Variants in PDE7B observed in about 807,000 individuals in gnomAD.
The protein encoded by PDE7B is phosphodiesterase 7B, also known as 3',5'-cyclic-AMP phosphodiesterase 7B.
A neutral mutation model predicts 56.2 loss-of-function variants in PDE7B; 29 were observed. The ratio of observed to expected loss-of-function variants is 0.52; its 90% CI spans 0.38 to 0.70. The LOEUF is 0.70. Among genes scored for constraint, PDE7B ranks in the 30% least tolerant of loss-of-function variants. The pLI, the probability that PDE7B is intolerant of heterozygous loss-of-function variation, is 0.00. For missense variants in PDE7B, 490 were observed against 565.0 expected (o/e 0.87, Z 1.35); for synonymous variants, 197 against 196.9 (o/e 1.00, Z 0.00).
intron 1 of PDE7B, among the ~76,000 whole-genome samples, chr6:135,880,346 TTTA>T (rs1410770398): frequency 6.6e-5 from 10 of 152,074 alleles, no homozygotes; most frequent in Non-Finnish European, 1.5e-5. Flanking sequence ...GTCTCATGAG[TTTA>T]TTCATCCAAC....
chr6:135,991,886 T>C (rs1319833373), intron 2 of PDE7B: 2 of 152,218 alleles, frequency 1.3e-5, no homozygotes, highest in East Asian at 3.8e-4. Flanking sequence ...ATAGATTATT[T>C]TCCTGTAGGT....
intron 1 of PDE7B, among the ~76,000 whole-genome samples, chr6:135,870,349 A>C (rs147358550): frequency 6.6e-6 from 1 of 152,096 alleles, no homozygotes; most frequent in African/African-American, 2.4e-5. Context: ...ACCTTGGTCA[A>C]ATAGCCTCTT....
chr6:136,171,368 C>T (rs1778876958), intron 8 of PDE7B, among the ~76,000 whole-genome samples: 1 of 152,146 alleles, frequency 6.6e-6, no homozygotes, highest in African/African-American at 2.4e-5. Context: ...TAATGGTTCT[C>T]AAACCTTAGT....
chr6:136,085,471 C>G (rs965180831), intron 2 of PDE7B, among the ~76,000 whole-genome samples: 3 of 152,124 alleles, frequency 2.0e-5, no homozygotes, highest in Non-Finnish European at 4.4e-5. Flanking sequence ...AAAGCAAAGG[C>G]AAAACTTTTA....
At chr6:135,885,389 T>C (rs78281248) in intron 1 of PDE7B, among the ~76,000 whole-genome samples, 5,122 of 151,924 alleles carry the variant, frequency 0.034, 142 homozygotes, top group African/African-American at 0.081. Context: ...TGCATAATGG[T>C]GTGCACCTTT....
At chr6:135,898,328 G>A (rs1461607032) in intron 1 of PDE7B, among the ~76,000 whole-genome samples, 1 of 152,070 alleles carries the variant, frequency 6.6e-6, no homozygotes, top group Non-Finnish European at 1.5e-5. Context: ...TACATGTTTG[G>A]TCACCTAACT....
chr6:136,157,500 C>T (rs1778628170), intron 8 of PDE7B, among the ~76,000 whole-genome samples: 1 of 152,186 alleles, frequency 6.6e-6, no homozygotes, highest in Admixed American at 6.5e-5. Flanking sequence ...ATCACTTGAA[C>T]CCTGGAGGCA....
chr6:135,881,834 A>G (rs574893833), intron 1 of PDE7B, among the ~76,000 whole-genome samples: 3 of 152,346 alleles, frequency 2.0e-5, no homozygotes, highest in Admixed American at 2.0e-4. Flanking sequence ...ACTGCATTGT[A>G]TAACTGAAAT....
intron 2 of PDE7B, among the ~76,000 whole-genome samples, chr6:136,039,104 G>T (rs1776374102): frequency 6.6e-6 from 1 of 152,088 alleles, no homozygotes; most frequent in African/African-American, 2.4e-5. Context: ...CACCTTTATT[G>T]ATATCAACTC....
chr6:136,073,257 A>T (rs1777078786), intron 2 of PDE7B, among the ~76,000 whole-genome samples: 1 of 152,132 alleles, frequency 6.6e-6, no homozygotes, highest in Admixed American at 6.5e-5. Flanking sequence ...ATGCATTGTG[A>T]CAGGTCCTGG....
chr6:136,138,389 T>C (rs2128445547), intron 3 of PDE7B, among the ~76,000 whole-genome samples: 1 of 152,246 alleles, frequency 6.6e-6, no homozygotes, highest in East Asian at 1.9e-4. Context: ...TTATTCAGAT[T>C]GTTATATGAA....
chr6:135,944,586 G>A (rs1253017002), intron 1 of PDE7B, among the ~76,000 whole-genome samples: 7 of 152,266 alleles, frequency 4.6e-5, no homozygotes, highest in Admixed American at 2.6e-4. Context: ...CATTGGAAGG[G>A]CCACCACACC....
chr6:136,182,911 C>G (rs1410668828), intron 11 of PDE7B, among the ~76,000 whole-genome samples: 1 of 151,730 alleles, frequency 6.6e-6, no homozygotes, highest in African/African-American at 2.4e-5. Context: ...AGTCTCTAAT[C>G]AAAATACAAA....
In PDE7B at chr6:135,858,630, C is replaced by T. The variant is rs539041037; in HGVS notation, c.21+6611C>T. Reference sequence around the variant, plus strand: ...TTTGAGTAACTTTGGGCCAATCAGCCCTCTGGGCACCAGCTTTCTCATGTA... The same window carrying T: ...TTTGAGTAACTTTGGGCCAATCAGCTCTCTGGGCACCAGCTTTCTCATGTA... On this transcript the variant is annotated intron_variant, in intron 1 of 12. Transcript: ENST00000308191. Among the ~76,000 whole-genome samples the T allele has an allele frequency of 2.0e-5, 3 of 152,262 alleles. No homozygotes were observed. The South Asian group carries it at 6.2e-4, about 32-fold the overall frequency.
chr6:135,916,394 T>TTC (rs534996930), intron 1 of PDE7B, among the ~76,000 whole-genome samples: 11 of 138,514 alleles, frequency 7.9e-5, no homozygotes, highest in Non-Finnish European at 1.1e-4. Context: ...TTTTCTTTCT[T>TTC]TTTTTTTTTT....
At chr6:135,903,221 C>T (rs565658868) in intron 1 of PDE7B, among the ~76,000 whole-genome samples, 1 of 152,258 alleles carries the variant, frequency 6.6e-6, no homozygotes, top group East Asian at 1.9e-4. Context: ...TACTCAACAC[C>T]TCACATCTAT....
chr6:136,056,554 A>C (rs1362964507), intron 2 of PDE7B, among the ~76,000 whole-genome samples: 1 of 64,128 alleles, frequency 1.6e-5, no homozygotes, highest in Non-Finnish European at 2.7e-5. Flanking sequence ...TTTTTTGACA[A>C]GAGTTTTGCC....
intron 1 of PDE7B, among the ~76,000 whole-genome samples, chr6:135,926,167 A>G (rs1426879890): frequency 1.4e-5 from 2 of 147,120 alleles, no homozygotes; most frequent in Non-Finnish European, 3.0e-5. Flanking sequence ...GCTCACTGCA[A>G]GCTCCGCCTC....
chr6:136,098,149 A>AAAAAAAAATATAT (rs1311774244), intron 2 of PDE7B: 2 of 135,470 alleles, frequency 1.5e-5, no homozygotes, highest in African/African-American at 5.5e-5. Flanking sequence ...GGGGGGGGGA[A>AAAAAAAAATATAT]ATATATGTAT....
Sources: gnomAD v4.1 joint callset for allele counts (sites outside exome capture counted in the v4.1 genomes callset) on GRCh38, gnomAD v4.1.1 for gene constraint, MANE v1.5 for transcripts, NCBI Gene and HGNC (gene_info 2026-07-23, HGNC 2026-07-21) for gene names.